Variants in MCM10 observed in about 807,000 individuals in gnomAD.
The protein encoded by MCM10 is minichromosome maintenance 10 replication initiation factor, also known as protein MCM10 homolog.
MCM10 carries 91 observed loss-of-function variants against 109.9 expected under a neutral mutation model. The observed-to-expected ratio is 0.83, with a 90% CI of 0.70 to 0.99. The LOEUF is 0.99. Ranked by LOEUF, MCM10 falls within the 50% of genes least tolerant of loss-of-function variation. The pLI is 0.00. For missense variants in MCM10, 1,077 were observed against 1,061.2 expected, an observed-to-expected ratio of 1.01 and a Z score of -0.21; for synonymous variants, 380 against 387.2, an observed-to-expected ratio of 0.98 and a Z score of 0.22.
chr10:13,165,610 C>T (rs1056666175), intron 2 of MCM10, among the ~76,000 whole-genome samples: 1 of 152,262 alleles, frequency 6.6e-6, no homozygotes, highest in South Asian at 2.1e-4. Context: ...TGCGGTGGCT[C>T]ATGCCTGTAA....
chr10:13,176,344 T>C (rs1387827004), intron 6 of MCM10, among the ~76,000 whole-genome samples: 1 of 152,206 alleles, frequency 6.6e-6, no homozygotes, highest in Non-Finnish European at 1.5e-5. Flanking sequence ...AACTTTATTT[T>C]AATTTTTTTA....
chr10:13,181,789 T>C (rs930833287), intron 7 of MCM10, among the ~76,000 whole-genome samples: 1 of 152,178 alleles, frequency 6.6e-6, no homozygotes, highest in African/African-American at 2.4e-5. Context: ...AGTTACTTCA[T>C]AAGTGGCTGT....
intron 8 of MCM10, among the ~76,000 whole-genome samples, chr10:13,183,384 A>G (rs1037796254): frequency 6.6e-6 from 1 of 152,074 alleles, no homozygotes; most frequent in Non-Finnish European, 1.5e-5. Context: ...GGCTGTAGTG[A>G]GCCCTGATTG....
intron 5 of MCM10, among the ~76,000 whole-genome samples, chr10:13,174,135 T>TA (rs1834110694): frequency 8.1e-5 from 1 of 12,420 alleles, no homozygotes; most frequent in Non-Finnish European, 2.2e-4. Context: ...TAGTTTTGGA[T>TA]TTTTTTTTTT....
chr10:13,171,064 C>T lies in MCM10; in HGVS notation c.150C>T (p.Gly50=), dbSNP rs776923347. 1.9e-6 allele frequency: 3 copies of T among 1,614,106 alleles called. No individual in the cohort carries two copies. Among genetic ancestry groups the T allele is most frequent in the East Asian group, 2.2e-5 (1 of 44,880 alleles). Residue 50 remains glycine, a synonymous_variant, in exon 3 of 20, where the codon GGC becomes GGT. Coordinates refer to ENST00000378714, the MANE Select transcript of MCM10 (RefSeq NM_018518.5). ...TTGATGAGCTCTTTGATGCCGACGG[C>T]GACGGTGAATCTTATACAGAAGAGG... ...DAFDELFDAD[G]DGESYTEEAD...
chr10:13,176,570 A>G (rs1389137863), intron 6 of MCM10, among the ~76,000 whole-genome samples: 1 of 152,240 alleles, frequency 6.6e-6, no homozygotes, highest in African/African-American at 2.4e-5. Flanking sequence ...TATTATTAGC[A>G]GAGGAGAACA....
At chr10:13,183,121 T>C (rs748647441) in intron 8 of MCM10, 21 bp downstream of exon 8, 64 of 1,603,930 alleles carry the variant, frequency 4.0e-5, no homozygotes, top group Middle Eastern at 3.3e-4. Context: ...GTTTCTGGGA[T>C]TTGATTGATG....
intron 14 of MCM10, among the ~76,000 whole-genome samples, chr10:13,196,114 G>A (rs1482485511): frequency 1.3e-5 from 2 of 151,900 alleles, no homozygotes; most frequent in African/African-American, 4.8e-5. Context: ...TCCCTTTGCT[G>A]CCCAAGCTGG....
At chr10:13,170,839 C>A in intron 2 of MCM10, 83 bp from the exon 3 acceptor site, 2 of 1,218,886 alleles carry the variant, frequency 1.6e-6, no homozygotes, top group Non-Finnish European at 2.3e-6. Flanking sequence ...CTCTTACCCC[C>A]ATGGGGTCAT....
At chr10:13,197,246 T>G (rs1834434298) in intron 14 of MCM10, among the ~76,000 whole-genome samples, 2 of 152,204 alleles carry the variant, frequency 1.3e-5, no homozygotes, top group African/African-American at 4.8e-5. Context: ...CTTGAAAAAT[T>G]AAGTAATTTT....
chr10:13,201,280 C>T, intron 16 of MCM10, 141 bp from the exon 17 acceptor site: 1 of 630,050 alleles, frequency 1.6e-6, no homozygotes, highest in Non-Finnish European at 2.8e-6. Context: ...CCCTCTCACA[C>T]TTAGCCTGCC....
intron 18 of MCM10, among the ~76,000 whole-genome samples, chr10:13,205,876 G>A (rs1588481717): frequency 6.6e-6 from 1 of 152,278 alleles, no homozygotes; most frequent in Middle Eastern, 3.4e-3. Context: ...AGATACGGAG[G>A]CAGAGCTGCC....
At chr10:13,208,146 G>A (rs1834609396) in intron 18 of MCM10, among the ~76,000 whole-genome samples, 2 of 152,202 alleles carry the variant, frequency 1.3e-5, no homozygotes, top group Non-Finnish European at 2.9e-5. Context: ...CAGTTTGGGA[G>A]GCTGAGGCAG....
At chr10:13,175,986 A>T (rs1433597154) in intron 6 of MCM10, among the ~76,000 whole-genome samples, 3 of 152,246 alleles carry the variant, frequency 2.0e-5, no homozygotes, top group Admixed American at 1.3e-4. Context: ...GTAGATTTTT[A>T]AAATTTTTCT....
rs961173136 is a variant in MCM10, at chr10:13,210,484, C to G, written c.*1174C>G. On this transcript the variant is annotated 3_prime_UTR_variant, in exon 20 of 20. Transcript: ENST00000378714. ...AATTGGTTGAATTATTGTATTGAAG[C>G]TTGAGCTGTAGCTAAAAGTAATTTA... 1 of 152,156 alleles carries G rather than the reference C, an allele frequency of 6.6e-6. No individual in the cohort carries two copies. Among genetic ancestry groups the G allele is most frequent in the Admixed American group, 6.5e-5 (1 of 15,278 alleles). The allele number at this position is 152,156 out of a possible 1,614,324, so 9.4% of individuals were successfully genotyped here. A position where few individuals can be genotyped will look rare whatever the true frequency, so the allele number is the denominator to read the frequency against.
chr10:13,202,491 T>C (rs1364747263), intron 17 of MCM10, among the ~76,000 whole-genome samples: 2 of 152,202 alleles, frequency 1.3e-5, no homozygotes, highest in Non-Finnish European at 2.9e-5. Context: ...TGGCATAGCT[T>C]ACCAAGTGCA....
At chr10:13,194,040 T>A (rs1834383514) in intron 13 of MCM10, among the ~76,000 whole-genome samples, 1 of 151,846 alleles carries the variant, frequency 6.6e-6, no homozygotes, top group South Asian at 2.1e-4. Context: ...TTGGACTAGA[T>A]GATTTCTGGG....
In MCM10 at chr10:13,197,611, C is replaced by T. The variant is rs769317710; in HGVS notation, c.1975-12C>T. On this transcript the variant is annotated splice_polypyrimidine_tract_variant and intron_variant, in intron 14 of 19. Transcript: ENST00000378714. Reference sequence around the variant, plus strand: ...TTAGATCTTTACCTCCCTCTCATTCCCTTTTTTCTAGTTAGCTGCTATCAC... The same window carrying T: ...TTAGATCTTTACCTCCCTCTCATTCTCTTTTTTCTAGTTAGCTGCTATCAC... 8 of 1,608,578 alleles carry T rather than the reference C, an allele frequency of 5.0e-6. No individual in the cohort carries two copies. In the East Asian group the frequency reaches 1.8e-4, roughly 36 times the overall value.
At chr10:13,194,986 G>C (rs1287295777) in intron 13 of MCM10, 55 bp from the exon 14 acceptor site, 19 of 1,537,976 alleles carry the variant, frequency 1.2e-5, no homozygotes, top group Non-Finnish European at 1.7e-5. Context: ...TTGAGTTCTA[G>C]AGTTTTTATT....
Sources: allele counts gnomAD v4.1 joint callset (sites outside exome capture counted in the v4.1 genomes callset), GRCh38; gene constraint gnomAD v4.1.1; transcripts MANE v1.5; gene names NCBI Gene and HGNC (gene_info 2026-07-23, HGNC 2026-07-21).